Variants in CORO2B observed in about 807,000 individuals in gnomAD.
CORO2B encodes the protein coronin-2B.
CORO2B carries 26 observed loss-of-function variants against 58.8 expected under a neutral mutation model. The ratio of observed to expected loss-of-function variants is 0.44; its 90% CI spans 0.32 to 0.61. The LOEUF (loss-of-function observed/expected upper bound fraction) is 0.61. CORO2B is among the 20% of genes least tolerant of loss of function. CORO2B has a pLI of 0.04. For synonymous variants in CORO2B, 242 were observed against 253.8 expected, an observed-to-expected ratio of 0.95 and a Z score of 0.44; for missense variants, 460 against 645.1, an observed-to-expected ratio of 0.71 and a Z score of 3.11.
intron 11 of CORO2B, among the ~76,000 whole-genome samples, chr15:68,719,917 G>A (rs8023915): frequency 0.17 from 26,165 of 152,232 alleles, 2,766 homozygotes; most frequent in Non-Finnish European, 0.23. Flanking sequence ...CCTCGCTGGC[G>A]TTGCAGCAGT....
chr15:68,665,036 G>A (rs970628262), intron 2 of CORO2B, among the ~76,000 whole-genome samples: 16 of 152,084 alleles, frequency 1.1e-4, no homozygotes, highest in Non-Finnish European at 2.2e-4. Context: ...TGGATCTTGG[G>A]CCATAGTTAG....
At chr15:68,693,641 A>G (rs566578835) in intron 2 of CORO2B, among the ~76,000 whole-genome samples, 1 of 152,014 alleles carries the variant, frequency 6.6e-6, no homozygotes, top group South Asian at 2.1e-4. Flanking sequence ...GCTCTTCCAC[A>G]CCCATCCACG....
At chr15:68,698,471 C>T (rs749446902) in intron 3 of CORO2B, among the ~76,000 whole-genome samples, 2 of 152,190 alleles carry the variant, frequency 1.3e-5, no homozygotes, top group Non-Finnish European at 2.9e-5. Context: ...AGGACCCCAG[C>T]TTGTAAACAA....
chr15:68,526,849 G>C, the CORO2B span, among the ~76,000 whole-genome samples: 1 of 152,150 alleles, frequency 6.6e-6, no homozygotes, highest in African/African-American at 2.4e-5. Flanking sequence ...ACAGAATCAT[G>C]GTCCCCCAAA....
the CORO2B span, among the ~76,000 whole-genome samples, chr15:68,539,335 G>A: frequency 6.6e-6 from 1 of 152,204 alleles, no homozygotes. Flanking sequence ...ATTTGGAACT[G>A]AGAGTCAGTA....
At chr15:68,627,190 T>C (rs532645526) in intron 1 of CORO2B, among the ~76,000 whole-genome samples, 3 of 152,342 alleles carry the variant, frequency 2.0e-5, no homozygotes, top group South Asian at 4.1e-4. Context: ...TTTTTACTTG[T>C]TTATTTGTTT....
intron 7 of CORO2B, 36 bp downstream of exon 7, chr15:68,714,699 T>C (rs2140330065): frequency 6.6e-7 from 1 of 1,522,554 alleles, no homozygotes; most frequent in South Asian, 1.1e-5. Flanking sequence ...GGGCAGCCTG[T>C]GGGAGAGCCC....
At chr15:68,553,056 C>G in the CORO2B span, among the ~76,000 whole-genome samples, 1 of 152,234 alleles carries the variant, frequency 6.6e-6, no homozygotes, top group Non-Finnish European at 1.5e-5. Flanking sequence ...AAGGACAGCT[C>G]AGTCCCTGCA....
intron 2 of CORO2B, among the ~76,000 whole-genome samples, chr15:68,672,043 C>T (rs35216534): frequency 0.2 from 29,743 of 151,982 alleles, 3,008 homozygotes; most frequent in Middle Eastern, 0.23. Flanking sequence ...ATGGGGCCCA[C>T]AGGAATAGTG....
chr15:68,634,341 G>T (rs906623759), intron 1 of CORO2B, among the ~76,000 whole-genome samples: 2 of 152,218 alleles, frequency 1.3e-5, no homozygotes, highest in African/African-American at 2.4e-5. Flanking sequence ...CAGGGTGGTT[G>T]TCAGGGGCAA....
Position 68,691,640 on chromosome 15 carries a change from A to AAAG in CORO2B, c.217-3498_217-3497insGAA, listed in dbSNP as rs1246836528. 6.8e-4 allele frequency among the ~76,000 whole-genome samples: 102 copies of AAAG among 149,662 alleles called. 1 individual carries two copies. Among genetic ancestry groups the AAAG allele is most frequent in the African/African-American group, 2.5e-3 (101 of 40,900 alleles). The stretch of plus-strand genomic sequence containing the variant: ...ACTCCGTCTCAAAAAAAAAAAAAAA[A>AAAG]AAAAAAGAAAAGAAAAGTGGTTTTC... On this transcript the variant is annotated intron_variant, in intron 2 of 11. Coordinates refer to ENST00000261861, the MANE Select transcript of CORO2B (RefSeq NM_006091.5).
At chr15:68,683,152 C>T (rs1244114327) in intron 2 of CORO2B, among the ~76,000 whole-genome samples, 3 of 152,180 alleles carry the variant, frequency 2.0e-5, no homozygotes, top group African/African-American at 4.8e-5. Flanking sequence ...GAGCTCCACC[C>T]GCCCAGGGTC....
intron 1 of CORO2B, among the ~76,000 whole-genome samples, chr15:68,612,010 A>G (rs1900259525): frequency 6.6e-6 from 1 of 152,156 alleles, no homozygotes. Context: ...GGCTCAAGCC[A>G]TCCACCCACC....
At chr15:68,648,523 G>A (rs1245429547) in intron 2 of CORO2B, among the ~76,000 whole-genome samples, 2 of 151,574 alleles carry the variant, frequency 1.3e-5, no homozygotes, top group South Asian at 2.1e-4. Flanking sequence ...GGTGGCGGGC[G>A]CCTGTAGTCC....
In CORO2B at chr15:68,660,080, G is replaced by A. The variant is rs185355106; in HGVS notation, c.216+14720G>A. On this transcript the variant is annotated intron_variant, in intron 2 of 11. Transcript: ENST00000261861. ...CAGTGTAACTTTACAGAAATATATC[G>A]TAATTTCTGTCTGGCTTTTTCATTT... is the stretch of plus-strand genomic sequence containing the variant. 1.9e-3 allele frequency among the ~76,000 whole-genome samples: 291 copies of A among 152,224 alleles called. 2 individuals are homozygous for A. The highest frequency in any genetic ancestry group is 6.8e-3 in the African/African-American group (282 of 41,534).
the CORO2B span, among the ~76,000 whole-genome samples, chr15:68,528,714 ATTTC>A: frequency 1.2e-5 from 1 of 80,978 alleles, no homozygotes; most frequent in Non-Finnish European, 2.6e-5. Context: ...TTGAATTGGT[ATTTC>A]TTTCTTAAGT....
chr15:68,573,901 T>A, the CORO2B span, among the ~76,000 whole-genome samples: 2 of 151,920 alleles, frequency 1.3e-5, no homozygotes, highest in Admixed American at 6.5e-5. Flanking sequence ...CCAATCACAG[T>A]CTAGGAAGGC....
At chr15:68,697,348 G>A (rs1301058829) in intron 3 of CORO2B, among the ~76,000 whole-genome samples, 1 of 152,210 alleles carries the variant, frequency 6.6e-6, no homozygotes, top group Non-Finnish European at 1.5e-5. Flanking sequence ...ATGACTGTAT[G>A]ACAGGTGGGT....
At chr15:68,541,258 T>G in the CORO2B span, among the ~76,000 whole-genome samples, 3 of 151,672 alleles carry the variant, frequency 2.0e-5, no homozygotes, top group Admixed American at 6.6e-5. Flanking sequence ...AAGAAAATCA[T>G]TGATCTATTT....
Sources: gnomAD v4.1 joint callset for allele counts (sites outside exome capture counted in the v4.1 genomes callset) on GRCh38, gnomAD v4.1.1 for gene constraint, MANE v1.5 for transcripts, NCBI Gene and HGNC (gene_info 2026-07-23, HGNC 2026-07-21) for gene names.